Variants in TNFRSF10B observed in about 807,000 individuals in gnomAD.
TNFRSF10B encodes TNF receptor superfamily member 10b, also known as tumor necrosis factor receptor superfamily member 10B.
TNFRSF10B carries 35 observed loss-of-function variants against 41.4 expected under a neutral mutation model. That is an observed-to-expected ratio of 0.85 (90% CI 0.65 to 1.12). The LOEUF (loss-of-function observed/expected upper bound fraction) is 1.12, where lower values mean the gene tolerates loss of function less well. Ranked by LOEUF, TNFRSF10B falls within the 50% of genes most tolerant of loss-of-function variation. TNFRSF10B has a pLI of 0.00. For missense variants in TNFRSF10B, 584 were observed against 552.7 expected (o/e 1.06, Z -0.57); for synonymous variants, 230 against 215.5 (o/e 1.07, Z -0.59).
At chr8:23,030,538 T>C (rs1388612362) in intron 3 of TNFRSF10B, among the ~76,000 whole-genome samples, 1 of 152,064 alleles carries the variant, frequency 6.6e-6, no homozygotes, top group Non-Finnish European at 1.5e-5. Flanking sequence ...TTCAAACTCC[T>C]GGGCTCAAGT....
At chr8:23,028,807 C>G (rs185645456) in intron 4 of TNFRSF10B, among the ~76,000 whole-genome samples, 1 of 152,302 alleles carries the variant, frequency 6.6e-6, no homozygotes, top group African/African-American at 2.4e-5. Context: ...CCCTCGGCCT[C>G]CCTGCTCTGG....
intron 1 of TNFRSF10B, among the ~76,000 whole-genome samples, chr8:23,060,180 A>G (rs10866819): frequency 0.38 from 58,508 of 152,040 alleles, 11,746 homozygotes; most frequent in East Asian, 0.64. Flanking sequence ...TTTGTTGCCT[A>G]TGTCCATGGT....
intron 1 of TNFRSF10B, among the ~76,000 whole-genome samples, chr8:23,060,607 T>C (rs1394905015): frequency 2.0e-5 from 3 of 152,200 alleles, no homozygotes; most frequent in Admixed American, 6.5e-5. Flanking sequence ...ATTTTCAAGA[T>C]TGTTTTGGAT....
At chr8:23,029,461 G>A (rs1811812092) in intron 4 of TNFRSF10B, 149 bp downstream of exon 4, 2 of 744,136 alleles carry the variant, frequency 2.7e-6, no homozygotes, top group South Asian at 3.0e-5. Context: ...AGGGGGCAGG[G>A]GTGGTGACAC....
chr8:23,029,844 T>A, intron 3 of TNFRSF10B, 123 bp from the exon 4 acceptor site: 3 of 874,956 alleles, frequency 3.4e-6, no homozygotes, highest in Non-Finnish European at 5.5e-6. Context: ...TGAGGGCCAG[T>A]TTCTGCACCA....
chr8:23,049,985 A>T (rs554599017), intron 1 of TNFRSF10B: 1 of 152,388 alleles, frequency 6.6e-6, no homozygotes, highest in South Asian at 2.1e-4. Context: ...CTGTCAGGTG[A>T]GGTTTCCCCA....
intron 1 of TNFRSF10B, among the ~76,000 whole-genome samples, chr8:23,052,577 C>T (rs566411752): frequency 1.3e-5 from 2 of 152,024 alleles, no homozygotes; most frequent in Non-Finnish European, 2.9e-5. Context: ...TGAGCCACCA[C>T]GCCTGGCCAA....
rs1811749214 is a variant in TNFRSF10B at position 23,027,707 on chromosome 8, G to A, written c.780+15C>T. ...TGAACCCCTGAGCCCCCAGCTCCTG[G>A]AGAAATCAACTCACTCTGTCCACAC... is the stretch of plus-strand genomic sequence containing the variant. On this transcript the variant is annotated intron_variant, in intron 6 of 8. Transcript: ENST00000276431. 1 of 1,614,050 alleles carries A rather than the reference G, an allele frequency of 6.2e-7. No individual in the cohort carries two copies. The highest frequency in any genetic ancestry group is 2.2e-5 in the East Asian group (1 of 44,858).
rs574598116 is a variant in TNFRSF10B, at chr8:23,063,035, A to G, written c.144+5716T>C. The stretch of plus-strand genomic sequence containing the variant: ...TGCATTCATATTTCTATTCCTGATG[A>G]TCTTCCTTCTTTCCTTAAGATCCAT... On this transcript the variant is annotated intron_variant, in intron 1 of 8. Coordinates refer to ENST00000276431, the MANE Select transcript of TNFRSF10B (RefSeq NM_003842.5). 2.6e-4 allele frequency among the ~76,000 whole-genome samples: 40 copies of G among 152,218 alleles called. No homozygotes were observed. In the South Asian group the frequency reaches 8.1e-3, roughly 31 times the overall value.
In TNFRSF10B at chr8:23,020,509, T is replaced by C; in HGVS notation, c.*2162A>G. 2.2e-6 allele frequency: 1 copy of C among 451,546 alleles called. No homozygotes were observed. Among genetic ancestry groups the C allele is most frequent in the South Asian group, 1.6e-5 (1 of 64,374 alleles). The allele number at this position is 451,546 out of a possible 1,614,324, so 28.0% of individuals were successfully genotyped here. ...GAGTTCGAGACCAGCCTGACCAACA[T>C]GGTGAAACCCCGTCTCTACTAAAAA... On this transcript the variant is annotated 3_prime_UTR_variant, in exon 9 of 9. Coordinates refer to ENST00000276431, the MANE Select transcript of TNFRSF10B (RefSeq NM_003842.5).
chr8:23,051,611 C>A (rs1812520485), intron 1 of TNFRSF10B, among the ~76,000 whole-genome samples: 1 of 150,698 alleles, frequency 6.6e-6, no homozygotes, highest in Admixed American at 6.6e-5. Context: ...GTGGCGCGAT[C>A]TCGGCTCACT....
rs1266541874 is a variant in TNFRSF10B, at chr8:23,021,108, C to T, written c.*1563G>A. On this transcript the variant is annotated 3_prime_UTR_variant, in exon 9 of 9. Coordinates refer to ENST00000276431, the MANE Select transcript of TNFRSF10B (RefSeq NM_003842.5). ...AGACCAAAAACTCCTGGAATGACTA[C>T]CTGCATAAATGATCCTTCCATGACT... 4.4e-6 allele frequency: 2 copies of T among 454,098 alleles called. No homozygotes were observed. Among genetic ancestry groups the T allele is most frequent in the Non-Finnish European group, 8.8e-6 (2 of 226,796 alleles). The allele number at this position is 454,098 out of a possible 1,614,324, so 28.1% of individuals were successfully genotyped here. A position where few individuals can be genotyped will look rare whatever the true frequency, so the allele number is the denominator to read the frequency against.
chr8:23,051,999 G>A (rs1477903608), intron 1 of TNFRSF10B, among the ~76,000 whole-genome samples: 1 of 152,112 alleles, frequency 6.6e-6, no homozygotes, highest in Non-Finnish European at 1.5e-5. Context: ...GAAGGAAGAT[G>A]GAGTCAGTTA....
At position 23,027,721 on chromosome 8, in the gene TNFRSF10B, C is replaced by T. The variant is rs770513058; in HGVS notation, c.780+1G>A. ...CCCAGCTCCTGGAGAAATCAACTCA[C>T]TCTGTCCACACGCTCAGGGTCCCCA... On this transcript the variant is annotated splice_donor_variant, in intron 6 of 8. Transcript: ENST00000276431. LOFTEE classifies it high-confidence loss of function. 7 of 1,613,984 alleles carry T rather than the reference C, an allele frequency of 4.3e-6. No homozygotes were observed. In the African/African-American group the frequency reaches 9.3e-5, roughly 22 times the overall value.
chr8:23,020,582 C>CT lies in TNFRSF10B; in HGVS notation c.*2088dup, dbSNP rs1244908520. 2 of 449,270 alleles carry CT rather than the reference C, an allele frequency of 4.5e-6. No individual in the cohort carries two copies. The highest frequency in any genetic ancestry group is 3.1e-5 in the South Asian group (2 of 64,132). The allele number at this position is 449,270 out of a possible 1,614,324, so 27.8% of individuals were successfully genotyped here. A position where few individuals can be genotyped will look rare whatever the true frequency, so the allele number is the denominator to read the frequency against. Reference sequence around the variant, plus strand: ...TGGCGGGTGCCTGCAATCCCAGCTACTCCGGAGGCTGAGGCACGAGAATCG... The same window carrying CT: ...TGGCGGGTGCCTGCAATCCCAGCTACTTCCGGAGGCTGAGGCACGAGAATCG... On this transcript the variant is annotated 3_prime_UTR_variant, in exon 9 of 9. Coordinates refer to ENST00000276431, the MANE Select transcript of TNFRSF10B (RefSeq NM_003842.5).
chr8:23,029,653 G>T lies in TNFRSF10B; in HGVS notation c.433C>A (p.Arg145=). 6.2e-7 allele frequency: 1 copy of T among 1,613,504 alleles called. No homozygotes were observed. The highest frequency in any genetic ancestry group is 8.5e-7 in the Non-Finnish European group (1 of 1,179,872). ...TVCQCEEGTF[R]EEDSPEMCRK... Reference sequence around the variant, plus strand: ...CACATCTCAGGAGAATCTTCTTCCCGGAAGGTGCCTTCTTCGCACTGACAC... The same window carrying T: ...CACATCTCAGGAGAATCTTCTTCCCTGAAGGTGCCTTCTTCGCACTGACAC... Residue 145 remains arginine (R), a synonymous_variant, in exon 4 of 9, where the codon CGG becomes AGG. Coordinates refer to ENST00000276431, the MANE Select transcript of TNFRSF10B (RefSeq NM_003842.5).
At chr8:23,052,700 T>G (rs1812561434) in intron 1 of TNFRSF10B, among the ~76,000 whole-genome samples, 1 of 152,234 alleles carries the variant, frequency 6.6e-6, no homozygotes, top group South Asian at 2.1e-4. Context: ...ATAAGGAGAA[T>G]TTTAAAGATT....
In TNFRSF10B at chr8:23,022,779, G is replaced by A. The variant is rs1199106316; in HGVS notation, c.1215C>T (p.Ala405=). The A allele has an allele frequency of 1.2e-6, 2 of 1,613,828 alleles. No homozygotes were observed. The highest frequency in any genetic ancestry group is 1.7e-6 in the Non-Finnish European group (2 of 1,179,930). The change falls in exon 9 of 9, where the codon GCC becomes GCT. Residue 405 remains alanine (A), a synonymous_variant. Coordinates refer to ENST00000276431, the MANE Select transcript of TNFRSF10B (RefSeq NM_003842.5). ...RDASVHTLLD[A]LETLGERLAK... ...CAAGTCTCTCTCCCAGCGTCTCCAA[G>A]GCATCCAGCAGGGTGTGGACAGAGG...
intron 1 of TNFRSF10B, among the ~76,000 whole-genome samples, chr8:23,050,385 G>T (rs1378140949): frequency 1.3e-5 from 2 of 152,212 alleles, no homozygotes; most frequent in African/African-American, 4.8e-5. Flanking sequence ...CTGGGAAGGA[G>T]AAAGATTTTT....
Sources: allele counts gnomAD v4.1 joint callset (sites outside exome capture counted in the v4.1 genomes callset), GRCh38; gene constraint gnomAD v4.1.1; transcripts MANE v1.5; gene names NCBI Gene and HGNC (gene_info 2026-07-23, HGNC 2026-07-21).